The following ANO3 variants were observed in gnomAD, a reference collection of about 807,000 sequenced individuals.
ANO3 encodes anoctamin-3.
A neutral mutation model predicts 144.8 loss-of-function variants in ANO3; 99 were observed. The ratio of observed to expected loss-of-function variants is 0.68; its 90% CI spans 0.58 to 0.81. The LOEUF is 0.81. ANO3 is among the 30% of genes least tolerant of loss of function. The probability of loss-of-function intolerance (pLI) is 0.00; values close to 1 mark genes in which losing one functional copy is unlikely to be tolerated. For missense variants in ANO3, 905 were observed against 1,202.2 expected (o/e 0.75, Z 3.66); for synonymous variants, 414 against 392.6 (o/e 1.05, Z -0.64).
chr11:26,388,195 A>AG (rs1856785377), intron 1 of ANO3, among the ~76,000 whole-genome samples: 1 of 151,478 alleles, frequency 6.6e-6, no homozygotes, highest in Non-Finnish European at 1.5e-5. Flanking sequence ...ATGGTCTATT[A>AG]TGTCCTATAA....
rs571750455 is a variant in ANO3, at chr11:26,214,006, T to A, written c.154+24676T>A. On this transcript the variant is annotated intron_variant, in intron 1 of 27. Coordinates refer to the ANO3 transcript ENST00000672621. ...CAGACTACTGTAGGTTTAGTTAGAT[T>A]TCAGAATCTAGAATGTATTTGTATG... is the stretch of plus-strand genomic sequence containing the variant. Among the ~76,000 whole-genome samples the A allele has an allele frequency of 2.6e-5, 4 of 152,122 alleles. No homozygotes were observed. In the South Asian group the frequency reaches 6.2e-4, roughly 24 times the overall value.
chr11:26,283,317 AATAAATATATATATATATATAT>A (rs796251570), intron 1 of ANO3, among the ~76,000 whole-genome samples: 2,912 of 77,592 alleles, frequency 0.038, 166 homozygotes, highest in East Asian at 0.25. Flanking sequence ...TAAACAAATA[AATAAATATATATATATATATAT>A]ATATATATAT....
intron 7 of ANO3, among the ~76,000 whole-genome samples, chr11:26,530,552 G>C (rs572736170): frequency 4.3e-3 from 382 of 89,850 alleles, no homozygotes; most frequent in African/African-American, 0.013. Flanking sequence ...TATATTTTGC[G>C]CTTAAAAAAA....
intron 1 of ANO3, among the ~76,000 whole-genome samples, chr11:26,280,903 A>G (rs1317040207): frequency 6.6e-6 from 1 of 152,184 alleles, no homozygotes; most frequent in Non-Finnish European, 1.5e-5. Flanking sequence ...TAGCACAGCA[A>G]TTGGGAAGCT....
At chr11:26,213,654 A>C (rs12791748) in intron 1 of ANO3, among the ~76,000 whole-genome samples, 45,947 of 151,932 alleles carry the variant, frequency 0.3, 7,689 homozygotes, top group Non-Finnish European at 0.37. Flanking sequence ...AAAGACATTC[A>C]ATGTTCATGG....
chr11:26,552,941 T>C (rs111419094), intron 12 of ANO3, among the ~76,000 whole-genome samples: 37 of 145,224 alleles, frequency 2.5e-4, no homozygotes, highest in African/African-American at 9.4e-4. Context: ...CACAAGATTA[T>C]CCTGAGTGCC....
At chr11:26,553,143 C>G in intron 12 of ANO3, 106 bp from the exon 13 acceptor site, 1 of 801,252 alleles carries the variant, frequency 1.2e-6, no homozygotes, top group Non-Finnish European at 2.1e-6. Flanking sequence ...TCCTTTTCCT[C>G]TCTGCCTTGC....
chr11:26,634,145 C>A, intron 18 of ANO3, 59 bp from the exon 19 acceptor site: 2 of 978,148 alleles, frequency 2.0e-6, no homozygotes, highest in Non-Finnish European at 3.2e-6. Context: ...GCCTCCATGT[C>A]CAGAGTCTTG....
rs193117801 is a variant in ANO3 at position 26,605,551 on chromosome 11, G to A, written c.1836+5837G>A. On this transcript the variant is annotated intron_variant, in intron 17 of 26. Coordinates refer to ENST00000256737, the MANE Select transcript of ANO3 (RefSeq NM_031418.4). The stretch of plus-strand genomic sequence containing the variant: ...GTAGAATTCGGCTGTGAATCCATCT[G>A]GTCCTGGGCTTTTTTTGGTTGCTAG... 1.2e-3 allele frequency among the ~76,000 whole-genome samples: 188 copies of A among 152,244 alleles called. 4 individuals are homozygous for A. The highest frequency in any genetic ancestry group is 0.011 in the Admixed American group (172 of 15,290).
rs1214127763 is a variant in ANO3, at chr11:26,443,831, G to T, written c.308G>T (p.Cys103Phe). 1.2e-6 allele frequency: 2 copies of T among 1,609,644 alleles called. No homozygotes were observed. The highest frequency in any genetic ancestry group is 1.7e-6 in the Non-Finnish European group (2 of 1,177,136). ...TCATTTGCTGACCTCAGCGATTTTT[G>T]TTTGGGTAAGTTGATAATCAGTATT... ...RCSFADLSDF[C>F]LALGKDKDYT... The change falls in exon 3 of 27, where the codon TGT (cysteine) becomes TTT (phenylalanine). Residue 103 changes from cysteine to phenylalanine, a missense_variant. By Grantham distance (205) the Cys-to-Phe change is radical. This residue lies in a region of ANO3 where 174 missense variants were observed against 171.9 expected (regional missense o/e 1.01). Transcript: ENST00000256737.
intron 1 of ANO3, among the ~76,000 whole-genome samples, chr11:26,389,732 G>A (rs542673437): frequency 6.6e-6 from 1 of 152,026 alleles, no homozygotes; most frequent in Non-Finnish European, 1.5e-5. Flanking sequence ...ACATTTTATG[G>A]TGCTTCATTA....
At chr11:26,503,571 A>T (rs1861286919) in intron 4 of ANO3, among the ~76,000 whole-genome samples, 1 of 152,138 alleles carries the variant, frequency 6.6e-6, no homozygotes, top group South Asian at 2.1e-4. Flanking sequence ...TTCTCTATTG[A>T]CATTTTGGTA....
chr11:26,572,804 C>A (rs1850878991), intron 14 of ANO3, among the ~76,000 whole-genome samples: 1 of 152,114 alleles, frequency 6.6e-6, no homozygotes, highest in South Asian at 2.1e-4. Context: ...TGCTGACTTT[C>A]AGGAGTTTGG....
At chr11:26,383,888 C>T (rs1454766506) in intron 1 of ANO3, among the ~76,000 whole-genome samples, 154 of 70,098 alleles carry the variant, frequency 2.2e-3, no homozygotes, top group African/African-American at 2.6e-3. Flanking sequence ...ATGCATTGTT[C>T]TTTTTTTTTT....
At position 26,647,735 on chromosome 11, in the gene ANO3, A is replaced by C; in HGVS notation, c.2455A>C (p.Ile819Leu). 1.2e-6 allele frequency: 2 copies of C among 1,609,254 alleles called. No individual in the cohort carries two copies. The highest frequency in any genetic ancestry group is 2.2e-5 in the South Asian group (2 of 90,002). ...TATCTGGCTTGGAATTCTCGAAGGA[A>C]TCGGTATATTGGCTGTGATCACCAA... is the stretch of plus-strand genomic sequence containing the variant. ...IGIWLGILEG[I>L]GILAVITNAF... The change falls in exon 24 of 27, where the codon ATC becomes CTC. Residue 819 changes from isoleucine to leucine, a missense_variant. Physicochemically the swap from Ile to Leu is conservative, Grantham distance 5. This residue lies in a region of ANO3 where 597 missense variants were observed against 865.1 expected (regional missense o/e 0.69). Transcript: ENST00000256737.
intron 1 of ANO3, among the ~76,000 whole-genome samples, chr11:26,402,137 T>G (rs1857162093): frequency 6.6e-6 from 1 of 152,006 alleles, no homozygotes; most frequent in Admixed American, 6.6e-5. Context: ...TTAGAAAGAT[T>G]TGTATTTCTT....
intron 1 of ANO3, among the ~76,000 whole-genome samples, chr11:26,258,078 G>A (rs988312938): frequency 6.6e-6 from 1 of 152,080 alleles, no homozygotes; most frequent in Non-Finnish European, 1.5e-5. Flanking sequence ...ATTTAGGACT[G>A]TTAATAACAC....
chr11:26,297,185 G>A (rs907074019), intron 1 of ANO3, among the ~76,000 whole-genome samples: 18 of 122,022 alleles, frequency 1.5e-4, no homozygotes, highest in Admixed American at 9.1e-4. Flanking sequence ...CAACCATTGC[G>A]TGTGTGTGTG....
chr11:26,433,701 A>G (rs1363290745), intron 1 of ANO3, among the ~76,000 whole-genome samples: 1 of 152,150 alleles, frequency 6.6e-6, no homozygotes, highest in Non-Finnish European at 1.5e-5. Context: ...GATGAGTCTT[A>G]TTTATTGATT....
Sources: gnomAD v4.1 joint callset for allele counts (sites outside exome capture counted in the v4.1 genomes callset) on GRCh38, gnomAD v4.1.1 for gene constraint, gnomAD v4.1.1 regional missense constraint, MANE v1.5 for transcripts, NCBI Gene and HGNC (gene_info 2026-07-23, HGNC 2026-07-21) for gene names.